COL5A2: variants seen among roughly 807,000 people sequenced by gnomAD.
COL5A2 encodes the protein collagen type V alpha 2 chain, also known as collagen alpha-2(V) chain.
Under a neutral mutation model 208.2 loss-of-function variants are expected in COL5A2, and 23 were observed. The ratio of observed to expected loss-of-function variants is 0.11; its 90% CI spans 0.08 to 0.16. COL5A2 has a LOEUF of 0.16. COL5A2 is among the 10% of genes least tolerant of loss of function. The pLI, the probability that COL5A2 is intolerant of heterozygous loss-of-function variation, is 1.00. For missense variants in COL5A2, 1,590 were observed against 1,956.4 expected, an observed-to-expected ratio of 0.81 and a Z score of 3.53; for synonymous variants, 625 against 628.5, an observed-to-expected ratio of 0.99 and a Z score of 0.08.
chr2:189,413,636 C>T, the COL5A2 span, among the ~76,000 whole-genome samples: 2 of 151,706 alleles, frequency 1.3e-5, no homozygotes, highest in Non-Finnish European at 2.9e-5. Context: ...AGGGAGGGGC[C>T]GGGTTCAGTA....
At chr2:189,326,957 G>A in the COL5A2 span, among the ~76,000 whole-genome samples, 4 of 151,532 alleles carry the variant, frequency 2.6e-5, no homozygotes, top group Admixed American at 2.6e-4. Flanking sequence ...TGTAATCCCA[G>A]ATACTCGGCA....
In COL5A2 at chr2:189,199,537, T is replaced by C. The variant is rs1689045907; in HGVS notation, c.-42+25611A>G. Among the ~76,000 whole-genome samples the C allele has an allele frequency of 2.0e-5, 3 of 152,286 alleles. No homozygotes were observed. The South Asian group carries it at 6.2e-4, about 32-fold the overall frequency. ...CCCACTACAAGCAAACAGATGTTTA[T>C]AACCAAAGCAGAAAGGGACATAGAG... On this transcript the variant is annotated intron_variant, in intron 1 of 10. Transcript: ENST00000649966.
chr2:189,046,135 C>T (rs1417683035), intron 45 of COL5A2, among the ~76,000 whole-genome samples: 1 of 152,136 alleles, frequency 6.6e-6, no homozygotes, highest in Non-Finnish European at 1.5e-5. Flanking sequence ...CCCTCACCTA[C>T]TCCCTATTGC....
chr2:189,422,536 C>G, the COL5A2 span, among the ~76,000 whole-genome samples: 1 of 152,160 alleles, frequency 6.6e-6, no homozygotes, highest in Non-Finnish European at 1.5e-5. Flanking sequence ...ATTTAAACTA[C>G]TATTTAGGTC....
chr2:189,375,177 T>C, the COL5A2 span, among the ~76,000 whole-genome samples: 6 of 151,962 alleles, frequency 3.9e-5, no homozygotes, highest in Non-Finnish European at 7.4e-5. Context: ...CCACAAAGCC[T>C]GGCTAATTTT....
At chr2:189,290,253 G>T in the COL5A2 span, among the ~76,000 whole-genome samples, 1 of 152,164 alleles carries the variant, frequency 6.6e-6, no homozygotes, top group Admixed American at 6.5e-5. Context: ...GTAAGCACAC[G>T]CTATGATGTT....
intron 1 of COL5A2, among the ~76,000 whole-genome samples, chr2:189,132,605 A>G (rs1233162433): frequency 6.6e-6 from 1 of 152,248 alleles, no homozygotes; most frequent in Non-Finnish European, 1.5e-5. Flanking sequence ...GTTTTTAACA[A>G]TTCATCTCAT....
At chr2:189,312,264 G>C in the COL5A2 span, among the ~76,000 whole-genome samples, 2 of 152,098 alleles carry the variant, frequency 1.3e-5, no homozygotes, top group African/African-American at 4.8e-5. Context: ...CAGGTAGGAG[G>C]CCAGGTGGTC....
chr2:189,397,927 C>A, the COL5A2 span, among the ~76,000 whole-genome samples: 1 of 151,792 alleles, frequency 6.6e-6, no homozygotes, highest in African/African-American at 2.4e-5. Flanking sequence ...TAAATTTATT[C>A]AAAAGTTTAT....
the COL5A2 span, among the ~76,000 whole-genome samples, chr2:189,312,879 A>G: frequency 3.3e-5 from 5 of 152,120 alleles, no homozygotes. Context: ...AGGAAAAAAA[A>G]AAAAATCACC....
the COL5A2 span, among the ~76,000 whole-genome samples, chr2:189,295,327 G>C: frequency 6.6e-6 from 1 of 152,190 alleles, no homozygotes; most frequent in Admixed American, 6.5e-5. Context: ...TCCCTGGCTG[G>C]GGACTGTGGC....
chr2:189,053,515 T>A, intron 37 of COL5A2, 38 bp from the exon 38 acceptor site: 2 of 1,515,092 alleles, frequency 1.3e-6, no homozygotes, highest in Non-Finnish European at 1.8e-6. Flanking sequence ...TTTCACACAT[T>A]ATCCTAAACA....
the COL5A2 span, among the ~76,000 whole-genome samples, chr2:189,250,338 G>A: frequency 6.6e-6 from 1 of 152,126 alleles, no homozygotes; most frequent in Non-Finnish European, 1.5e-5. Context: ...ACTTGCCAAG[G>A]TCATGAACTT....
intron 1 of COL5A2, among the ~76,000 whole-genome samples, chr2:189,186,038 T>C (rs1393359833): frequency 2.0e-5 from 3 of 151,948 alleles, no homozygotes; most frequent in African/African-American, 7.3e-5. Flanking sequence ...AGAGTGGTAG[T>C]CTTGCTCTCT....
chr2:189,266,783 C>G, the COL5A2 span, among the ~76,000 whole-genome samples: 1 of 151,798 alleles, frequency 6.6e-6, no homozygotes, highest in African/African-American at 2.4e-5. Flanking sequence ...TGAGTTATAC[C>G]TCAAAAGATG....
rs77944362 is a variant in COL5A2, at chr2:189,034,516, T to A, written c.4354-300A>T. Among the ~76,000 whole-genome samples the A allele has an allele frequency of 0.012, 1,892 of 152,320 alleles. 48 individuals are homozygous for A. Among genetic ancestry groups the A allele is most frequent in the African/African-American group, 0.042 (1,745 of 41,574 alleles). On this transcript the variant is annotated intron_variant, in intron 53 of 53. Transcript: ENST00000374866. The stretch of plus-strand genomic sequence containing the variant: ...CTATAATTCACCATTTAGTATTATT[T>A]TCGTTTTATATCTCAATATGCAAGC...
chr2:189,286,479 G>A, the COL5A2 span, among the ~76,000 whole-genome samples: 1 of 152,022 alleles, frequency 6.6e-6, no homozygotes. Context: ...TCATTAAAGT[G>A]TGGGTTGAAG....
chr2:189,078,083 G>A (rs1686450086), intron 16 of COL5A2, among the ~76,000 whole-genome samples: 1 of 152,124 alleles, frequency 6.6e-6, no homozygotes, highest in Non-Finnish European at 1.5e-5. Flanking sequence ...TTCAAAGAGT[G>A]CACTCAGAGT....
the COL5A2 span, among the ~76,000 whole-genome samples, chr2:189,375,905 C>A: frequency 6.6e-6 from 1 of 152,168 alleles, no homozygotes; most frequent in Admixed American, 6.5e-5. Context: ...GCTGGGGAAG[C>A]TTTTGACTCA....
Sources: allele counts gnomAD v4.1 joint callset (sites outside exome capture counted in the v4.1 genomes callset), GRCh38; gene constraint gnomAD v4.1.1; transcripts MANE v1.5; gene names NCBI Gene and HGNC (gene_info 2026-07-23, HGNC 2026-07-21).